The following FHOD3 variants were observed in gnomAD, a reference collection of about 807,000 sequenced individuals.
FHOD3 encodes FH1/FH2 domain-containing protein 3.
Under a neutral mutation model 173.0 loss-of-function variants are expected in FHOD3, and 90 were observed. The ratio of observed to expected loss-of-function variants is 0.52; its 90% confidence interval spans 0.44 to 0.62. The LOEUF is 0.62. Among genes scored for constraint, FHOD3 ranks in the 20% least tolerant of loss-of-function variants. The probability of loss-of-function intolerance (pLI) is 0.00; values close to 1 mark genes in which losing one functional copy is unlikely to be tolerated. For missense variants in FHOD3, 1,945 were observed against 2,034.7 expected (o/e 0.96, Z 0.85); for synonymous variants, 828 against 823.0 (o/e 1.01, Z -0.10).
intron 28 of FHOD3, among the ~76,000 whole-genome samples, chr18:36,776,861 T>G (rs570534111): frequency 1.4e-4 from 22 of 152,208 alleles, no homozygotes; most frequent in Non-Finnish European, 2.8e-4. Flanking sequence ...TTTAGTTCTG[T>G]TCTCTGAGCC....
At chr18:36,541,602 A>T (rs2057223529) in intron 5 of FHOD3, among the ~76,000 whole-genome samples, 1 of 152,220 alleles carries the variant, frequency 6.6e-6, no homozygotes, top group African/African-American at 2.4e-5. Context: ...AAAATCTAGA[A>T]CAAGATATAA....
intron 3 of FHOD3, among the ~76,000 whole-genome samples, chr18:36,443,693 G>A (rs1368680470): frequency 6.6e-6 from 1 of 152,068 alleles, no homozygotes; most frequent in African/African-American, 2.4e-5. Flanking sequence ...GGTGTTGCTG[G>A]TTTTATACCT....
chr18:36,400,384 G>A (rs2048748886), intron 3 of FHOD3, among the ~76,000 whole-genome samples: 2 of 152,292 alleles, frequency 1.3e-5, no homozygotes, highest in African/African-American at 4.8e-5. Context: ...GGTCTTGTAA[G>A]TCCAATTGGT....
chr18:36,536,066 C>A (rs2056979722), intron 5 of FHOD3, among the ~76,000 whole-genome samples: 1 of 151,992 alleles, frequency 6.6e-6, no homozygotes, highest in Non-Finnish European at 1.5e-5. Context: ...AATTGGGGTC[C>A]AAAGTTAGTG....
At chr18:36,600,240 C>G (rs1307359831) in intron 7 of FHOD3, among the ~76,000 whole-genome samples, 1 of 140,688 alleles carries the variant, frequency 7.1e-6, no homozygotes, top group African/African-American at 2.7e-5. Context: ...GTACAGGAAC[C>G]CTCTCCTCTG....
intron 17 of FHOD3, among the ~76,000 whole-genome samples, chr18:36,698,808 A>G (rs1356341979): frequency 2.0e-5 from 3 of 152,218 alleles, no homozygotes; most frequent in African/African-American, 7.2e-5. Flanking sequence ...TAGCCAGAAT[A>G]TCAACATTTG....
chr18:36,476,704 C>T (rs959150970), intron 3 of FHOD3, among the ~76,000 whole-genome samples: 16 of 152,296 alleles, frequency 1.1e-4, no homozygotes, highest in Admixed American at 7.8e-4. Flanking sequence ...AATCTGGAAG[C>T]AAATTGAATT....
intron 27 of FHOD3, 62 bp downstream of exon 27, chr18:36,760,844 G>A (rs1341728685): frequency 4.7e-6 from 7 of 1,489,508 alleles, no homozygotes; most frequent in African/African-American, 1.4e-5. Flanking sequence ...GGGGGGGTCC[G>A]GTCTCCATCG....
chr18:36,718,850 A>G, intron 19 of FHOD3, 135 bp downstream of exon 19: 3 of 1,425,858 alleles, frequency 2.1e-6, no homozygotes. Flanking sequence ...TTGATCTTTA[A>G]TATAGTGTTC....
chr18:36,470,592 C>A (rs780420414), intron 3 of FHOD3, among the ~76,000 whole-genome samples: 2 of 152,168 alleles, frequency 1.3e-5, no homozygotes, highest in Non-Finnish European at 2.9e-5. Context: ...GTAATTGTAT[C>A]GTTCTAATAG....
At chr18:36,728,596 T>C (rs1721527058) in intron 19 of FHOD3, among the ~76,000 whole-genome samples, 1 of 151,988 alleles carries the variant, frequency 6.6e-6, no homozygotes, top group Non-Finnish European at 1.5e-5. Context: ...TGTTGGGTTT[T>C]TTTTTTTTTA....
chr18:36,422,113 C>A (rs1000201534), intron 3 of FHOD3, among the ~76,000 whole-genome samples: 2 of 152,198 alleles, frequency 1.3e-5, no homozygotes, highest in Non-Finnish European at 2.9e-5. Context: ...CTCTCACCTT[C>A]GACTTTGCTC....
At chr18:36,457,835 A>C (rs1170740065) in intron 3 of FHOD3, among the ~76,000 whole-genome samples, 1 of 152,224 alleles carries the variant, frequency 6.6e-6, no homozygotes, top group Non-Finnish European at 1.5e-5. Flanking sequence ...GTTTCTGCTG[A>C]ATCGGATGTT....
intron 3 of FHOD3, among the ~76,000 whole-genome samples, chr18:36,411,212 A>C (rs1397031943): frequency 6.6e-6 from 1 of 152,146 alleles, no homozygotes; most frequent in East Asian, 1.9e-4. Flanking sequence ...TTTTTTTTGC[A>C]TATGGATACC....
In FHOD3 at chr18:36,760,762, C is replaced by T. The variant is rs1168198729; in HGVS notation, c.4604C>T (p.Thr1535Ile). The part of the protein sequence containing the change: ...EDATPALGVR[T>I]RSRASRGSTS... ...GCCACCCCCGCGCTGGGCGTCCGCA[C>T]ACGCAGCCGAGCAAGCCGAGGTAAC... The change falls in exon 27 of 29, where the codon ACA becomes ATA. Residue 1535 changes from threonine to isoleucine, a missense_variant. Around this residue, in one of 5 missense-constraint regions of FHOD3, gnomAD observed 354 missense variants for 359.9 expected, o/e 0.98. Coordinates refer to ENST00000590592, the MANE Select transcript of FHOD3 (RefSeq NM_001281740.3). 24 of 1,610,000 alleles carry T rather than the reference C, an allele frequency of 1.5e-5. No individual in the cohort carries two copies. Among genetic ancestry groups the T allele is most frequent in the Non-Finnish European group, 1.9e-5 (22 of 1,178,956 alleles).
intron 17 of FHOD3, among the ~76,000 whole-genome samples, chr18:36,699,392 G>A (rs1489237465): frequency 6.6e-6 from 1 of 152,234 alleles, no homozygotes; most frequent in Non-Finnish European, 1.5e-5. Context: ...CAGAGAATCT[G>A]GCTTGTTGGC....
At chr18:36,321,189 C>T (rs1321108330) in intron 1 of FHOD3, among the ~76,000 whole-genome samples, 1 of 151,790 alleles carries the variant, frequency 6.6e-6, no homozygotes, top group Non-Finnish European at 1.5e-5. Flanking sequence ...CATCGTTCTT[C>T]TGGTGACAGT....
At chr18:36,763,275 C>T (rs1246066823) in intron 27 of FHOD3, among the ~76,000 whole-genome samples, 13 of 142,638 alleles carry the variant, frequency 9.1e-5, no homozygotes, top group African/African-American at 2.6e-4. Flanking sequence ...GTATTATACA[C>T]GTTATATACA....
intron 3 of FHOD3, among the ~76,000 whole-genome samples, chr18:36,498,295 A>T (rs910376771): frequency 6.6e-6 from 1 of 152,176 alleles, no homozygotes; most frequent in African/African-American, 2.4e-5. Flanking sequence ...ACCTGAAGAA[A>T]CTAGAAGAGC....
Sources: allele counts gnomAD v4.1 joint callset (sites outside exome capture counted in the v4.1 genomes callset), GRCh38; gene constraint gnomAD v4.1.1; regional missense constraint gnomAD v4.1.1; transcripts MANE v1.5; gene names NCBI Gene and HGNC (gene_info 2026-07-23, HGNC 2026-07-21).